Variants in NLN observed in about 807,000 individuals in gnomAD.
NLN encodes neurolysin, mitochondrial.
In NLN, 64 loss-of-function variants were observed where a neutral mutation model predicts 79.9. The observed-to-expected ratio is 0.80, with a 90% CI of 0.65 to 0.99. NLN has a LOEUF of 0.99. Among genes scored for constraint, NLN ranks in the 50% least tolerant of loss-of-function variants. The probability of loss-of-function intolerance (pLI) is 0.00; values close to 1 mark genes in which losing one functional copy is unlikely to be tolerated. For missense variants in NLN, 835 were observed against 858.7 expected (o/e 0.97, Z 0.34); for synonymous variants, 267 against 296.6 (o/e 0.90, Z 1.02).
In NLN at chr5:65,780,262, A is replaced by G. The variant is rs1759770479; in HGVS notation, c.642A>G (p.Val214=). 2 of 1,420,726 alleles carry G rather than the reference A, an allele frequency of 1.4e-6. No individual in the cohort carries two copies. Among genetic ancestry groups the G allele is most frequent in the Non-Finnish European group, 2.0e-6 (2 of 1,022,798 alleles). 88.0% of individuals were successfully genotyped at this position (1,420,726 alleles called of 1,614,324 possible). The change falls in exon 5 of 13, where the codon GTA becomes GTG. Residue 214 remains valine, a synonymous_variant. Transcript: ENST00000380985. The part of the protein sequence containing the change: ...KNLNEDDTFL[V]FSKAELGALP... The stretch of plus-strand genomic sequence containing the variant: ...TCAATGAGGATGATACCTTCCTTGT[A>G]TTTTCCAAGGCTGAACTTGGTAAGT...
rs1760972569 is a variant in NLN at position 65,829,090 on chromosome 5, A to G, written c.*6175A>G. 6.6e-6 allele frequency: 1 copy of G among 152,166 alleles called. No individual in the cohort carries two copies. The highest frequency in any genetic ancestry group is 2.4e-5 in the African/African-American group (1 of 41,432). 9.4% of individuals were successfully genotyped at this position (152,166 alleles called of 1,614,324 possible). On this transcript the variant is annotated 3_prime_UTR_variant, in exon 13 of 13. Coordinates refer to ENST00000380985, the MANE Select transcript of NLN (RefSeq NM_020726.5). Reference sequence around the variant, plus strand: ...CAGAATTTACAGTTACTCTCTGTCCATTCCACTCACTACTGTCTTCATCAC... The same window carrying G: ...CAGAATTTACAGTTACTCTCTGTCCGTTCCACTCACTACTGTCTTCATCAC...
intron 9 of NLN, among the ~76,000 whole-genome samples, chr5:65,803,789 G>C (rs1357228967): frequency 6.6e-6 from 1 of 152,164 alleles, no homozygotes; most frequent in Non-Finnish European, 1.5e-5. Flanking sequence ...TGAGGCTCTT[G>C]CCCTGCCAAC....
chr5:65,774,357 A>G (rs1759634890), intron 3 of NLN, among the ~76,000 whole-genome samples: 1 of 152,186 alleles, frequency 6.6e-6, no homozygotes, highest in South Asian at 2.1e-4. Context: ...CTTCACCTAA[A>G]GAGGCCCATG....
intron 12 of NLN, among the ~76,000 whole-genome samples, chr5:65,822,516 C>T (rs140682739): frequency 4.5e-4 from 69 of 152,286 alleles, no homozygotes; most frequent in African/African-American, 1.6e-3. Flanking sequence ...TTTGTTTGTT[C>T]ATGTTGTCAG....
chr5:65,800,775 C>T (rs1760269656), intron 9 of NLN, among the ~76,000 whole-genome samples: 1 of 151,902 alleles, frequency 6.6e-6, no homozygotes, highest in South Asian at 2.1e-4. Context: ...GCCTCAGCCT[C>T]CACCTTCCAG....
chr5:65,724,223 ACTGAAACC>A lies in NLN; in HGVS notation c.41+1813_41+1820del, dbSNP rs569628750. ...TCTCCAGAACTTGTCATCATCCCAA[ACTGAAACC>A]CTGTACCTATTACACAATAACTGCC... is the stretch of plus-strand genomic sequence containing the variant. On this transcript the variant is annotated intron_variant, in intron 1 of 12. Transcript: ENST00000380985. Among the ~76,000 whole-genome samples, 672 of 152,072 alleles carry A rather than the reference ACTGAAACC, an allele frequency of 4.4e-3. 5 individuals carry two copies. The highest frequency in any genetic ancestry group is 0.016 in the African/African-American group (648 of 41,442).
chr5:65,814,115 C>T lies in NLN; in HGVS notation c.1980+1724C>T, dbSNP rs187962949. On this transcript the variant is annotated intron_variant, in intron 12 of 12. Coordinates refer to ENST00000380985, the MANE Select transcript of NLN (RefSeq NM_020726.5). ...CTGATAACCCCAATCAGTGCTACTA[C>T]TCTGTTCTTTTCACAGCCTAATTTC... Among the ~76,000 whole-genome samples, 13 of 152,296 alleles carry T rather than the reference C, an allele frequency of 8.5e-5. No homozygotes were observed. The East Asian group carries it at 1.4e-3, about 16-fold the overall frequency.
intron 9 of NLN, among the ~76,000 whole-genome samples, chr5:65,803,286 C>A (rs1295326124): frequency 6.6e-6 from 1 of 152,210 alleles, no homozygotes; most frequent in African/African-American, 2.4e-5. Context: ...GGTGCCCAGG[C>A]TGTTCATGCA....
intron 3 of NLN, 65 bp downstream of exon 3, chr5:65,763,173 A>G (rs1759377494): frequency 2.8e-6 from 4 of 1,410,982 alleles, no homozygotes; most frequent in Admixed American, 3.8e-5. Flanking sequence ...ACATTCAGTC[A>G]TAAATAAAAC....
Position 65,792,596 on chromosome 5 carries a change from G to A in NLN, c.1468G>A (p.Asp490Asn), listed in dbSNP as rs373507441. ...VAGRPSLLRHDEVRTYFHEFG... is the reference protein window; with the variant it reads ...VAGRPSLLRHNEVRTYFHEFG... ...AGGTCGTCCCTCTCTCCTGAGACAC[G>A]ACGAGGTGAGGACTTACTTTCATGA... The change falls in exon 9 of 13, where the codon GAC becomes AAC. Residue 490 changes from aspartate to asparagine, a missense_variant. By Grantham distance (23) the Asp-to-Asn change is conservative (BLOSUM62 1). Transcript: ENST00000380985. 71 of 1,614,018 alleles carry A rather than the reference G, an allele frequency of 4.4e-5. No homozygotes were observed. Among genetic ancestry groups the A allele is most frequent in the African/African-American group, 4.3e-4 (32 of 75,036 alleles).
chr5:65,723,814 C>CAAA (rs760572199), intron 1 of NLN, among the ~76,000 whole-genome samples: 25 of 55,208 alleles, frequency 4.5e-4, no homozygotes, highest in East Asian at 6.0e-4. Flanking sequence ...GACTCCGTCT[C>CAAA]AAAAAAAAAA....
intron 5 of NLN, among the ~76,000 whole-genome samples, chr5:65,780,665 TTTTTC>T (rs1013013153): frequency 1.3e-5 from 2 of 152,052 alleles, no homozygotes; most frequent in Admixed American, 1.3e-4. Context: ...TCCTGGGTCT[TTTTTC>T]TTTTCTTTTC....
chr5:65,755,153 CTG>C (rs992915617), intron 1 of NLN, among the ~76,000 whole-genome samples: 90 of 152,072 alleles, frequency 5.9e-4, no homozygotes, highest in Admixed American at 2.8e-3. Flanking sequence ...CTTCCTATCT[CTG>C]TAGGGAGCTC....
At chr5:65,738,980 T>TA (rs1429675157) in intron 1 of NLN, among the ~76,000 whole-genome samples, 3 of 28,266 alleles carry the variant, frequency 1.1e-4, no homozygotes, top group African/African-American at 3.8e-4. Context: ...AATATATATA[T>TA]TATATATTTA....
At position 65,758,649 on chromosome 5, in the gene NLN, G is replaced by A. The variant is rs1346741348; in HGVS notation, c.124G>A (p.Val42Met). Residue 42 changes from valine to methionine, a missense_variant, in exon 2 of 13, where the codon GTG becomes ATG. Physicochemically the swap from Val to Met is conservative, Grantham distance 21 (BLOSUM62 1). Coordinates refer to ENST00000380985, the MANE Select transcript of NLN (RefSeq NM_020726.5). ...TCTTCAGGCAATGTCTTCCTATACTGTGGCTGGCAGAAATGTTTTAAGATG... is the reference window on the plus strand; with the variant it reads ...TCTTCAGGCAATGTCTTCCTATACTATGGCTGGCAGAAATGTTTTAAGATG... ...SPLQAMSSYT[V>M]AGRNVLRWDL... is the part of the protein sequence containing the mutation. 1.1e-5 allele frequency: 17 copies of A among 1,613,446 alleles called. No homozygotes were observed. The highest frequency in any genetic ancestry group is 1.3e-5 in the Non-Finnish European group (15 of 1,179,530).
At chr5:65,798,867 G>A (rs1423732253) in intron 9 of NLN, among the ~76,000 whole-genome samples, 1 of 152,012 alleles carries the variant, frequency 6.6e-6, no homozygotes, top group African/African-American at 2.4e-5. Context: ...TTTAAAGAGA[G>A]GGATGTTTAG....
chr5:65,790,002 G>T (rs540805676), intron 8 of NLN, among the ~76,000 whole-genome samples: 2 of 152,132 alleles, frequency 1.3e-5, no homozygotes, highest in African/African-American at 2.4e-5. Context: ...GACTATATGT[G>T]CAAATCATCT....
At chr5:65,782,994 A>G (rs1433245314) in intron 6 of NLN, among the ~76,000 whole-genome samples, 1 of 152,062 alleles carries the variant, frequency 6.6e-6, no homozygotes, top group African/African-American at 2.4e-5. Flanking sequence ...TTTCATTTTT[A>G]TTGTTAGTAC....
rs1044555104 is a variant in NLN, at chr5:65,825,100, C to T, written c.*2185C>T. The T allele has an allele frequency of 6.6e-6, 1 of 150,782 alleles. No homozygotes were observed. Among genetic ancestry groups the T allele is most frequent in the African/African-American group, 2.4e-5 (1 of 41,004 alleles). The allele number at this position is 150,782 out of a possible 1,614,324, so 9.3% of individuals were successfully genotyped here. On this transcript the variant is annotated 3_prime_UTR_variant, in exon 13 of 13. Coordinates refer to ENST00000380985, the MANE Select transcript of NLN (RefSeq NM_020726.5). ...TGGACGACAGAGTGAGATTCAGTCT[C>T]AAAAAAAATTAATACTCAAAGAATT...
Sources: allele counts gnomAD v4.1 joint callset (sites outside exome capture counted in the v4.1 genomes callset), GRCh38; gene constraint gnomAD v4.1.1; transcripts MANE v1.5; gene names NCBI Gene and HGNC (gene_info 2026-07-23, HGNC 2026-07-21).